CRB1: variants seen among roughly 807,000 people sequenced by gnomAD.
CRB1 encodes the protein crumbs cell polarity complex component 1, also known as protein crumbs homolog 1.
CRB1 carries 83 observed loss-of-function variants against 120.0 expected under a neutral mutation model. That is an observed-to-expected ratio of 0.69 (90% CI 0.58 to 0.83). The LOEUF (loss-of-function observed/expected upper bound fraction) is 0.83, where lower values mean the gene tolerates loss of function less well. CRB1 is among the 40% of genes least tolerant of loss of function. CRB1 has a pLI of 0.00. For missense variants in CRB1, 1,699 were observed against 1,687.6 expected (o/e 1.01, Z -0.12); for synonymous variants, 625 against 612.5 (o/e 1.02, Z -0.30).
chr1:197,332,517 G>A (rs930368948), intron 2 of CRB1, among the ~76,000 whole-genome samples: 1 of 152,016 alleles, frequency 6.6e-6, no homozygotes, highest in African/African-American at 2.4e-5. Context: ...GATAAAAATC[G>A]GGTCTATTAT....
chr1:197,476,389 T>TG (rs978682324), intron 11 of CRB1, among the ~76,000 whole-genome samples: 1 of 143,334 alleles, frequency 7.0e-6, no homozygotes, highest in African/African-American at 2.4e-5. Context: ...TGTGTGTGTG[T>TG]GTGTGTGTGC....
intron 6 of CRB1, among the ~76,000 whole-genome samples, chr1:197,423,130 G>A (rs1664419147): frequency 6.6e-6 from 1 of 151,968 alleles, no homozygotes. Context: ...TTGACCTAAG[G>A]CAATATTTTT....
chr1:197,428,936 G>T, intron 7 of CRB1: 1 of 1,516,526 alleles, frequency 6.6e-7, no homozygotes, highest in Non-Finnish European at 8.8e-7. Flanking sequence ...GAGCAACCTT[G>T]TGAGAACTCA....
At chr1:197,455,844 T>C (rs907895542) in intron 11 of CRB1, among the ~76,000 whole-genome samples, 1 of 152,132 alleles carries the variant, frequency 6.6e-6, no homozygotes, top group Non-Finnish European at 1.5e-5. Flanking sequence ...TTTCTCACAA[T>C]TGTAATTACT....
chr1:197,454,226 G>A (rs114654682), intron 11 of CRB1, among the ~76,000 whole-genome samples: 33 of 151,676 alleles, frequency 2.2e-4, no homozygotes, highest in African/African-American at 7.7e-4. Context: ...TTGAAATCTT[G>A]TTAGCAGAAT....
At chr1:197,229,096 G>T in the CRB1 span, among the ~76,000 whole-genome samples, 12 of 152,154 alleles carry the variant, frequency 7.9e-5, no homozygotes, top group East Asian at 2.3e-3. Flanking sequence ...CCGTATCAAG[G>T]ACCCTCTCCG....
intron 6 of CRB1, among the ~76,000 whole-genome samples, chr1:197,422,479 T>G (rs1664386472): frequency 6.6e-6 from 1 of 151,922 alleles, no homozygotes. Context: ...AAACGCCAAT[T>G]TTATTCAAAG....
At chr1:197,318,473 G>T (rs577453710) in intron 1 of CRB1, among the ~76,000 whole-genome samples, 23 of 152,218 alleles carry the variant, frequency 1.5e-4, no homozygotes, top group African/African-American at 4.1e-4. Flanking sequence ...TAGAACTACT[G>T]TATGATCCAG....
At chr1:197,323,559 G>A (rs1321610009) in intron 1 of CRB1, among the ~76,000 whole-genome samples, 2 of 152,080 alleles carry the variant, frequency 1.3e-5, no homozygotes, top group Non-Finnish European at 2.9e-5. Context: ...TTATAATAAG[G>A]TCAGTGATTT....
intron 6 of CRB1, among the ~76,000 whole-genome samples, chr1:197,423,359 C>T (rs986592270): frequency 6.6e-6 from 1 of 152,166 alleles, no homozygotes; most frequent in Non-Finnish European, 1.5e-5. Context: ...CCTTCCCCCA[C>T]TTCTCCCAGT....
chr1:197,307,543 G>C (rs1454319953), intron 1 of CRB1, among the ~76,000 whole-genome samples: 2 of 152,186 alleles, frequency 1.3e-5, no homozygotes, highest in African/African-American at 4.8e-5. Flanking sequence ...GGAACTGTGA[G>C]AGTACAGAGA....
the CRB1 span, among the ~76,000 whole-genome samples, chr1:197,249,509 A>G: frequency 1.3e-5 from 2 of 151,990 alleles, no homozygotes; most frequent in African/African-American, 2.4e-5. Context: ...CTGTGGAATG[A>G]TAATTCATAA....
chr1:197,421,256 C>G lies in CRB1; in HGVS notation c.1428C>G (p.Thr476=), dbSNP rs62636282. The G allele has an allele frequency of 3.7e-6, 6 of 1,614,020 alleles. No individual in the cohort carries two copies. The Admixed American group carries it at 8.3e-5, about 22-fold the overall frequency. The part of the protein sequence containing the change: ...GFSCLCPSGY[T]GSLCEIATTL... ...GCTGCCTATGTCCATCTGGCTACAC[C>G]GGGTCCCTGTGTGAAATCGCAACCA... The change falls in exon 6 of 12, where the codon ACC becomes ACG. Residue 476 remains threonine (T), a synonymous_variant. Coordinates refer to ENST00000367400, the MANE Select transcript of CRB1 (RefSeq NM_201253.3).
At chr1:197,221,780 G>A in the CRB1 span, among the ~76,000 whole-genome samples, 1 of 152,232 alleles carries the variant, frequency 6.6e-6, no homozygotes, top group African/African-American at 2.4e-5. Context: ...GAATGACTTT[G>A]TATATCTAAC....
chr1:197,243,915 C>A, the CRB1 span, among the ~76,000 whole-genome samples: 3 of 151,884 alleles, frequency 2.0e-5, no homozygotes, highest in Non-Finnish European at 4.4e-5. Context: ...TTGATCTCTT[C>A]ACTATTATGT....
chr1:197,288,038 G>A (rs1655935298), intron 1 of CRB1, among the ~76,000 whole-genome samples: 1 of 151,828 alleles, frequency 6.6e-6, no homozygotes, highest in African/African-American at 2.4e-5. Flanking sequence ...AACAGCACAG[G>A]GAGAGGGATT....
At chr1:197,431,611 A>G (rs1484222031) in intron 8 of CRB1, among the ~76,000 whole-genome samples, 2 of 151,646 alleles carry the variant, frequency 1.3e-5, no homozygotes, top group Non-Finnish European at 2.9e-5. Context: ...GGCAGCCCCA[A>G]AACAGTATGC....
At chr1:197,355,498 G>A (rs1036539693) in intron 4 of CRB1, among the ~76,000 whole-genome samples, 1 of 152,196 alleles carries the variant, frequency 6.6e-6, no homozygotes, top group African/African-American at 2.4e-5. Flanking sequence ...GGGGATTGCG[G>A]GGGGCTCAGG....
rs758435616 is a variant in CRB1, at chr1:197,435,740, C to T, written c.3749+128C>T. On this transcript the variant is annotated intron_variant, in intron 9 of 11. Coordinates refer to ENST00000367400, the MANE Select transcript of CRB1 (RefSeq NM_201253.3). ...GTGCTGAACAGGGTGACACTGGTAG[C>T]TTCTGTCACAATTTGGTCATGTTCA... The T allele has an allele frequency of 3.4e-5, 28 of 816,168 alleles. No individual in the cohort carries two copies. In the South Asian group the frequency reaches 3.6e-4, roughly 11 times the overall value. The allele number at this position is 816,168 out of a possible 1,614,324, so 50.6% of individuals were successfully genotyped here. A position where few individuals can be genotyped will look rare whatever the true frequency, so the allele number is the denominator to read the frequency against.
Sources: allele counts gnomAD v4.1 joint callset (sites outside exome capture counted in the v4.1 genomes callset), GRCh38; gene constraint gnomAD v4.1.1; transcripts MANE v1.5; gene names NCBI Gene and HGNC (gene_info 2026-07-23, HGNC 2026-07-21).